The following SPATA31E1 variants were observed in gnomAD, a reference collection of about 807,000 sequenced individuals.
SPATA31E1 encodes the protein SPATA31 subfamily E member 1.
A neutral mutation model predicts 12.9 loss-of-function variants in SPATA31E1; 7 were observed. The observed-to-expected ratio is 0.54, with a 90% CI of 0.31 to 1.02. The LOEUF (loss-of-function observed/expected upper bound fraction) is 1.02, where lower values mean the gene tolerates loss of function less well. Ranked by LOEUF, SPATA31E1 falls within the 50% of genes least tolerant of loss-of-function variation. SPATA31E1 has a pLI of 0.05. For missense variants in SPATA31E1, 1,961 were observed against 1,799.8 expected, an observed-to-expected ratio of 1.09 and a Z score of -1.62; for synonymous variants, 771 against 719.0, an observed-to-expected ratio of 1.07 and a Z score of -1.16.
intron 1 of SPATA31E1, 34 bp downstream of exon 1, chr9:87,883,234 G>T (rs1828201307): frequency 4.5e-6 from 7 of 1,540,284 alleles, no homozygotes; most frequent in Non-Finnish European, 5.3e-6. Flanking sequence ...CACAGAGAAA[G>T]ATTCTCTCTT....
chr9:87,885,065 C>G lies in SPATA31E1; in HGVS notation c.578C>G (p.Ala193Gly). The G allele has an allele frequency of 1.2e-6, 2 of 1,614,172 alleles. No individual in the cohort carries two copies. Among genetic ancestry groups the G allele is most frequent in the Non-Finnish European group, 1.7e-6 (2 of 1,180,022 alleles). Residue 193 changes from alanine (A) to glycine (G), a missense_variant, in exon 4 of 4, where the codon GCT becomes GGT. By Grantham distance (60) the Ala-to-Gly change is moderately conservative. Transcript: ENST00000325643. ...TCTCCTGCCAGCTTGTCCCCACCAG[C>G]TCCCCCAGCTCCTCTGGCCTCCACC... ...DPSPASLSPP[A>G]PPAPLASTLS...
At position 87,884,600 on chromosome 9, in the gene SPATA31E1, T is replaced by C. The variant is rs1419754491; in HGVS notation, c.374T>C (p.Ile125Thr). ...RKISALKACR[I>T]LLRELEETRD... is the part of the protein sequence containing the mutation. Reference sequence around the variant, plus strand: ...GTCTCCTGATTTCCAGCTTGCAGAATCCTCCTGAGGGAGCTGGAGGAGACT... The same window carrying C: ...GTCTCCTGATTTCCAGCTTGCAGAACCCTCCTGAGGGAGCTGGAGGAGACT... Residue 125 changes from isoleucine to threonine, a missense_variant, in exon 3 of 4, where the codon ATC becomes ACC. Ile to Thr is a moderately conservative substitution (Grantham distance 89). Coordinates refer to ENST00000325643, the MANE Select transcript of SPATA31E1 (RefSeq NM_178828.5). 6.2e-7 allele frequency: 1 copy of C among 1,613,928 alleles called. No homozygotes were observed. The highest frequency in any genetic ancestry group is 2.2e-5 in the East Asian group (1 of 44,850).
At chr9:87,884,457 T>C (rs1828225821) in intron 2 of SPATA31E1, 134 bp from the exon 3 acceptor site, 5 of 887,650 alleles carry the variant, frequency 5.6e-6, no homozygotes, top group Non-Finnish European at 9.0e-6. Flanking sequence ...ATTGGGGCCA[T>C]GTGGCCTCGG....
rs766941049 is a variant in SPATA31E1 at position 87,885,497 on chromosome 9, A to G, written c.1010A>G (p.Glu337Gly). The change falls in exon 4 of 4, where the codon GAG (glutamate) becomes GGG (glycine). Residue 337 changes from glutamate (E) to glycine (G), a missense_variant. By Grantham distance (98) the Glu-to-Gly change is moderately conservative (BLOSUM62 -2). Coordinates refer to ENST00000325643, the MANE Select transcript of SPATA31E1 (RefSeq NM_178828.5). ...CGGCATCTTCCCGACCACACCTCAG[A>G]GGCTTCCTTCTGGGGAGACCCCACA... ...QPRHLPDHTS[E>G]ASFWGDPTPK... 8 of 1,614,094 alleles carry G rather than the reference A, an allele frequency of 5.0e-6. 1 individual carries two copies. The South Asian group carries it at 7.7e-5, about 16-fold the overall frequency.
chr9:87,886,909 C>T lies in SPATA31E1; in HGVS notation c.2422C>T (p.Leu808=), dbSNP rs1219903817. The T allele has an allele frequency of 1.9e-6, 3 of 1,614,108 alleles. No homozygotes were observed. Among genetic ancestry groups the T allele is most frequent in the Non-Finnish European group, 2.5e-6 (3 of 1,180,012 alleles). The change falls in exon 4 of 4, where the codon CTG becomes TTG. Residue 808 remains leucine (L), a synonymous_variant. Transcript: ENST00000325643. ...TGACACCCACAGGAAACCTGGGAAG[C>T]TGGCATCCTGGAGGGGTGGGAAAGC... ...KSDTHRKPGK[L]ASWRGGKAHV...
intron 3 of SPATA31E1, 68 bp downstream of exon 3, chr9:87,884,719 T>C (rs1335154216): frequency 6.3e-7 from 1 of 1,591,978 alleles, no homozygotes; most frequent in African/African-American, 1.3e-5. Flanking sequence ...CCCTACGGCC[T>C]GGTGGTGATC....
Position 87,888,813 on chromosome 9 carries a change from T to C in SPATA31E1, c.4326T>C (p.Cys1442=), listed in dbSNP as rs201418095. 3.2e-5 allele frequency: 51 copies of C among 1,603,674 alleles called. No individual in the cohort carries two copies. The highest frequency in any genetic ancestry group is 6.7e-5 in the Admixed American group (4 of 59,518). ...AGGAACTGATGTCTGCACAGAGGTG[T>C]CTTGCCTCCTGAACTAGACCAGTCT... ...QLQELMSAQR[C]LAS The change falls in exon 4 of 4, where the codon TGT becomes TGC. Residue 1442 remains cysteine, a synonymous_variant. Transcript: ENST00000325643.
rs912922784 is a variant in SPATA31E1, at chr9:87,885,097, C to A, written c.610C>A (p.Pro204Thr). 2 of 1,614,078 alleles carry A rather than the reference C, an allele frequency of 1.2e-6. No individual in the cohort carries two copies. The highest frequency in any genetic ancestry group is 1.3e-5 in the African/African-American group (1 of 74,926). Residue 204 changes from proline (P) to threonine (T), a missense_variant, in exon 4 of 4, where the codon CCA becomes ACA. By Grantham distance (38) the Pro-to-Thr change is conservative. Transcript: ENST00000325643. ...AGCTCCTCTGGCCTCCACCCTGTCACCAGGCCCGATGACCTTCTCAGAGCC... is the reference window on the plus strand; with the variant it reads ...AGCTCCTCTGGCCTCCACCCTGTCAACAGGCCCGATGACCTTCTCAGAGCC... Reference protein sequence around the residue: ...PPAPLASTLSPGPMTFSEPFG... With the variant: ...PPAPLASTLSTGPMTFSEPFG...
Position 87,888,304 on chromosome 9 carries a change from G to C in SPATA31E1, c.3817G>C (p.Gly1273Arg), listed in dbSNP as rs200570168. Residue 1273 changes from glycine (G) to arginine (R), a missense_variant, in exon 4 of 4, where the codon GGT becomes CGT. Transcript: ENST00000325643. ...GAGAAAGATCAGTCACCATCCACAG[G>C]GTCTACACCCCAGGAAAGGAGGCAC... ...FQRKISHHPQGLHPRKGGTRW... is the reference protein window; with the variant it reads ...FQRKISHHPQRLHPRKGGTRW... 3.0e-5 allele frequency: 49 copies of C among 1,613,972 alleles called. No homozygotes were observed. Among genetic ancestry groups the C allele is most frequent in the Non-Finnish European group, 3.8e-5 (45 of 1,180,014 alleles).
chr9:87,886,590 G>T lies in SPATA31E1; in HGVS notation c.2103G>T (p.Arg701Ser), dbSNP rs1193253842. 2 of 1,614,088 alleles carry T rather than the reference G, an allele frequency of 1.2e-6. No individual in the cohort carries two copies. Among genetic ancestry groups the T allele is most frequent in the East Asian group, 2.2e-5 (1 of 44,864 alleles). Reference protein sequence around the residue: ...VQKTGFRSSGRFSDKGCLGSK... With the variant: ...VQKTGFRSSGSFSDKGCLGSK... Reference sequence around the variant, plus strand: ...AGACCGGGTTCAGGAGCTCCGGAAGGTTCTCTGACAAGGGGTGCTTAGGGT... The same window carrying T: ...AGACCGGGTTCAGGAGCTCCGGAAGTTTCTCTGACAAGGGGTGCTTAGGGT... The change falls in exon 4 of 4, where the codon AGG becomes AGT. Residue 701 changes from arginine (R) to serine (S), a missense_variant. Arg to Ser is a moderately radical substitution (Grantham distance 110). Transcript: ENST00000325643.
intron 1 of SPATA31E1, among the ~76,000 whole-genome samples, chr9:87,883,616 C>A (rs1236413470): frequency 1.3e-5 from 2 of 152,074 alleles, no homozygotes; most frequent in Admixed American, 6.5e-5. Context: ...TGTGGCTGCA[C>A]CCCGGCCACA....
rs756992080 is a variant in SPATA31E1 at position 87,888,671 on chromosome 9, T to C, written c.4184T>C (p.Ile1395Thr). The C allele has an allele frequency of 6.2e-7, 1 of 1,613,968 alleles. No individual in the cohort carries two copies. Among genetic ancestry groups the C allele is most frequent in the South Asian group, 1.1e-5 (1 of 91,070 alleles). Reference protein sequence around the residue: ...GHHCPVKNRGIRDRDSSWAPP... With the variant: ...GHHCPVKNRGTRDRDSSWAPP... ...CACTGTCCTGTCAAAAACAGGGGCA[T>C]CAGAGACAGAGACAGCAGTTGGGCC... is the stretch of plus-strand genomic sequence containing the variant. Residue 1395 changes from isoleucine to threonine, a missense_variant, in exon 4 of 4, where the codon ATC becomes ACC. By Grantham distance (89) the Ile-to-Thr change is moderately conservative. Transcript: ENST00000325643.
At position 87,885,737 on chromosome 9, in the gene SPATA31E1, C is replaced by T. The variant is rs1828257940; in HGVS notation, c.1250C>T (p.Pro417Leu). ...GTGTCAACCCAGCCACAGCAGCTGC[C>T]CCGTCCTCAGCAAGTCTCTGATGCC... is the stretch of plus-strand genomic sequence containing the variant. ...WNVSTQPQQL[P>L]RPQQVSDATT... The change falls in exon 4 of 4, where the codon CCC (proline) becomes CTC (leucine). Residue 417 changes from proline (P) to leucine (L), a missense_variant. Transcript: ENST00000325643. The T allele has an allele frequency of 6.2e-7, 1 of 1,613,952 alleles. No homozygotes were observed. Among genetic ancestry groups the T allele is most frequent in the Non-Finnish European group, 8.5e-7 (1 of 1,180,042 alleles).
rs767753259 is a variant in SPATA31E1 at position 87,886,285 on chromosome 9, C to T, written c.1798C>T (p.Pro600Ser). The T allele has an allele frequency of 8.1e-6, 13 of 1,613,662 alleles. No individual in the cohort carries two copies. The Admixed American group carries it at 2.0e-4, about 25-fold the overall frequency. The change falls in exon 4 of 4, where the codon CCC becomes TCC. Residue 600 changes from proline to serine, a missense_variant. Pro to Ser is a moderately conservative substitution (Grantham distance 74). Coordinates refer to ENST00000325643, the MANE Select transcript of SPATA31E1 (RefSeq NM_178828.5). ...TCTGAGCCAGCCCACTGCCCACCTT[C>T]CCCAAGAGAGGCCGGCCTCCTGGAG... ...AVLSQPTAHL[P>S]QERPASWSPK...
At position 87,887,475 on chromosome 9, in the gene SPATA31E1, G is replaced by A. The variant is rs1828303637; in HGVS notation, c.2988G>A (p.Gly996=). The A allele has an allele frequency of 6.2e-7, 1 of 1,613,948 alleles. No homozygotes were observed. The highest frequency in any genetic ancestry group is 8.5e-7 in the Non-Finnish European group (1 of 1,180,046). The change falls in exon 4 of 4, where the codon GGG becomes GGA. Residue 996 remains glycine, a synonymous_variant. Transcript: ENST00000325643. ...LEGSMGSEMA[G]NEAWLESESM... ...GGAGTATGGGTTCAGAAATGGCTGG[G>A]AACGAGGCATGGCTTGAGAGTGAGA...
Position 87,883,180 on chromosome 9 carries a change from A to G in SPATA31E1, c.289A>G (p.Arg97Gly). The G allele has an allele frequency of 6.3e-7, 1 of 1,580,866 alleles. No homozygotes were observed. Among genetic ancestry groups the G allele is most frequent in the Non-Finnish European group, 8.6e-7 (1 of 1,159,570 alleles). The change falls in exon 1 of 4, where the codon AGG becomes GGG. Residue 97 changes from arginine (R) to glycine (G), a missense_variant. By Grantham distance (125) the Arg-to-Gly change is moderately radical. Transcript: ENST00000325643. ...HSDPPSPPPG[R>G]KRSSREPQRE... ...TGACCCACCCTCACCCCCGCCCGGGAGGAAGAGGAGCAGCAGGGAGGTAAG... is the reference window on the plus strand; with the variant it reads ...TGACCCACCCTCACCCCCGCCCGGGGGGAAGAGGAGCAGCAGGGAGGTAAG...
Position 87,887,919 on chromosome 9 carries a change from G to A in SPATA31E1, c.3432G>A (p.Leu1144=), listed in dbSNP as rs779837213. The stretch of plus-strand genomic sequence containing the variant: ...ACATGCTCACTGCCGCAGACAGGCT[G>A]CCCACTCAAGCCCCTCTGTCCACCT... ...HMDMLTAADR[L]PTQAPLSTSQ... The change falls in exon 4 of 4, where the codon CTG becomes CTA. Residue 1144 remains leucine, a synonymous_variant. Coordinates refer to ENST00000325643, the MANE Select transcript of SPATA31E1 (RefSeq NM_178828.5). The A allele has an allele frequency of 1.2e-6, 2 of 1,613,884 alleles. No homozygotes were observed. Among genetic ancestry groups the A allele is most frequent in the East Asian group, 2.2e-5 (1 of 44,876 alleles).
In SPATA31E1 at chr9:87,885,772, G is replaced by C. The variant is rs745604223; in HGVS notation, c.1285G>C (p.Gly429Arg). The C allele has an allele frequency of 6.2e-7, 1 of 1,614,006 alleles. No homozygotes were observed. The highest frequency in any genetic ancestry group is 8.5e-7 in the Non-Finnish European group (1 of 1,180,022). ...GCAAGTCTCTGATGCCACAACCGTG[G>C]GGAACCACTTACAGCAGAAACGCAG... ...PQQVSDATTV[G>R]NHLQQKRSQL... Residue 429 changes from glycine to arginine, a missense_variant, in exon 4 of 4, where the codon GGG becomes CGG. Transcript: ENST00000325643.
Position 87,885,474 on chromosome 9 carries a change from G to C in SPATA31E1, c.987G>C (p.Arg329=). The change falls in exon 4 of 4, where the codon CGG becomes CGC. Residue 329 remains arginine, a synonymous_variant. Coordinates refer to ENST00000325643, the MANE Select transcript of SPATA31E1 (RefSeq NM_178828.5). ...STYSHGKSQP[R]HLPDHTSEAS... is the part of the protein sequence containing the mutation. ...ACTCACATGGCAAATCCCAGCCACG[G>C]CATCTTCCCGACCACACCTCAGAGG... 3 of 1,613,950 alleles carry C rather than the reference G, an allele frequency of 1.9e-6. No individual in the cohort carries two copies. Among genetic ancestry groups the C allele is most frequent in the Non-Finnish European group, 2.5e-6 (3 of 1,179,902 alleles).
Sources: allele counts gnomAD v4.1 joint callset (sites outside exome capture counted in the v4.1 genomes callset), GRCh38; gene constraint gnomAD v4.1.1; transcripts MANE v1.5; gene names NCBI Gene and HGNC (gene_info 2026-07-23, HGNC 2026-07-21).